Variants in ALDH3B2 observed in about 807,000 individuals in gnomAD.
ALDH3B2 encodes aldehyde dehydrogenase 3 family member B2.
In ALDH3B2, 45 loss-of-function variants were observed where a neutral mutation model predicts 36.7. That is an observed-to-expected ratio of 1.23 (90% CI 0.97 to 1.57). The LOEUF (loss-of-function observed/expected upper bound fraction) is 1.57. Among genes scored for constraint, ALDH3B2 ranks in the 40% most tolerant of loss-of-function variants. The pLI, the probability that ALDH3B2 is intolerant of heterozygous loss-of-function variation, is 0.00. For missense variants in ALDH3B2, 464 were observed against 513.3 expected, an observed-to-expected ratio of 0.90 and a Z score of 0.93; for synonymous variants, 217 against 226.5, an observed-to-expected ratio of 0.96 and a Z score of 0.38.
exon 10 of ALDH3B2, chr11:67,663,332 G>A (rs753188593): frequency 3.1e-6 from 5 of 1,614,038 alleles, no homozygotes; most frequent in African/African-American, 2.7e-5. Flanking sequence ...GGGCGAGCAG[G>A]CAGGTGCGGT....
exon 10 of ALDH3B2, chr11:67,662,977 T>G: frequency 3.6e-5 from 19 of 522,306 alleles, no homozygotes; most frequent in South Asian, 1.6e-4. Flanking sequence ...GAGGGTGGGG[T>G]GAGTGAGGAC....
At chr11:67,668,989 G>A (rs1015443859) in intron 1 of ALDH3B2, among the ~76,000 whole-genome samples, 10 of 151,148 alleles carry the variant, frequency 6.6e-5, no homozygotes, top group Admixed American at 6.6e-4. Context: ...GTGTGTATGG[G>A]TGTCTGTGTG....
intron 1 of ALDH3B2, among the ~76,000 whole-genome samples, chr11:67,671,842 C>G (rs958822297): frequency 3.3e-5 from 5 of 150,492 alleles, no homozygotes; most frequent in Admixed American, 3.3e-4. Context: ...CGTGCGGGCC[C>G]CTGCCTCTCA....
intron 1 of ALDH3B2, chr11:67,681,061 T>G (rs1856358767): frequency 6.6e-6 from 1 of 152,352 alleles, no homozygotes; most frequent in South Asian, 2.1e-4. Context: ...TGGCACTGTA[T>G]TAGTCTGTTC....
intron 1 of ALDH3B2, among the ~76,000 whole-genome samples, chr11:67,669,324 GTGTA>G (rs201522017): frequency 0.021 from 3,103 of 150,894 alleles, 113 homozygotes; most frequent in African/African-American, 0.073. Context: ...ATGGGTGTCT[GTGTA>G]TGTATCAGTG....
exon 4 of ALDH3B2, chr11:67,666,580 C>A: frequency 1.2e-6 from 2 of 1,613,924 alleles, no homozygotes; most frequent in African/African-American, 1.3e-5. Flanking sequence ...TCACCTGCGG[C>A]GAGGGCGCCC....
At chr11:67,669,712 GTGTGCGTATGGGTGTC>G in intron 1 of ALDH3B2, among the ~76,000 whole-genome samples, 1 of 148,978 alleles carries the variant, frequency 6.7e-6, no homozygotes, top group East Asian at 2.0e-4. Context: ...ATGGGTGTCT[GTGTGCGTATGGGTGTC>G]TGTGTGTGTA....
chr11:67,670,799 G>C (rs1856087923), intron 1 of ALDH3B2, among the ~76,000 whole-genome samples: 1 of 152,190 alleles, frequency 6.6e-6, no homozygotes, highest in African/African-American at 2.4e-5. Context: ...CCCACACTCA[G>C]TGTGCGGCCC....
chr11:67,665,447 C>T lies in ALDH3B2; in HGVS notation c.544G>A (p.Ala182Thr), dbSNP rs376717625. The T allele has an allele frequency of 3.2e-5, 52 of 1,613,978 alleles. No individual in the cohort carries two copies. The African/African-American group carries it at 5.3e-4, about 17-fold the overall frequency. Residue 182 changes from alanine (A) to threonine (T), a missense_variant, in exon 7 of 10, where the codon GCC becomes ACC. By Grantham distance (58) the Ala-to-Thr change is moderately conservative. Coordinates refer to ENST00000349015, the Ensembl canonical transcript of ALDH3B2. ...AAACGGGTGATGGTGCTCTGCAGGG[C>T]GGGCAGCAGCCTCTCCTGCATCTCG...
rs553570111 is a variant in ALDH3B2 at position 67,665,511 on chromosome 11, G to A, written c.480C>T (p.Gly160=). Residue 160 remains glycine, a synonymous_variant, in exon 7 of 10, where the codon GGC becomes GGT. Transcript: ENST00000349015. ...CGTAGTCAGGGGCCACGCAGGTCTG[G>A]CCGGCATTGAAGTAGCAGAACCAGG... The A allele has an allele frequency of 3.3e-5, 53 of 1,614,084 alleles. 1 individual carries two copies. The South Asian group carries it at 5.5e-4, about 17-fold the overall frequency.
intron 1 of ALDH3B2, among the ~76,000 whole-genome samples, chr11:67,668,989 G>T (rs1015443859): frequency 6.6e-6 from 1 of 151,152 alleles, no homozygotes; most frequent in Non-Finnish European, 1.5e-5. Flanking sequence ...GTGTGTATGG[G>T]TGTCTGTGTG....
At position 67,667,645 on chromosome 11, in the gene ALDH3B2, G is replaced by A; in HGVS notation, c.-244-10C>T. The A allele has an allele frequency of 3.0e-6, 1 of 327,942 alleles. No individual in the cohort carries two copies. The highest frequency in any genetic ancestry group is 5.1e-6 in the Non-Finnish European group (1 of 194,534). 20.3% of individuals were successfully genotyped at this position (327,942 alleles called of 1,614,324 possible). A position where few individuals can be genotyped will look rare whatever the true frequency, so the allele number is the denominator to read the frequency against. The stretch of plus-strand genomic sequence containing the variant: ...CTCGAAGGGGTCCATCCTGCCGGAT[G>A]GGGTGGCTTGAACTGGGTGGCCAGG... On this transcript the variant is annotated splice_polypyrimidine_tract_variant and intron_variant, in intron 1 of 9. Coordinates refer to ENST00000349015, the Ensembl canonical transcript of ALDH3B2.
intron 1 of ALDH3B2, among the ~76,000 whole-genome samples, chr11:67,680,640 C>T (rs919779355): frequency 2.0e-5 from 3 of 152,148 alleles, no homozygotes; most frequent in African/African-American, 7.2e-5. Flanking sequence ...TGGTCTCAAA[C>T]TCCTGGGCTC....
At chr11:67,680,245 T>A (rs1488376573) in intron 1 of ALDH3B2, among the ~76,000 whole-genome samples, 1 of 151,816 alleles carries the variant, frequency 6.6e-6, no homozygotes, top group Non-Finnish European at 1.5e-5. Flanking sequence ...ACCAGGGAGG[T>A]GGAGCTTGCA....
rs368395367 is a variant in ALDH3B2, at chr11:67,673,177, G to A, written c.-245+1260C>T. On this transcript the variant is annotated intron_variant, in intron 1 of 9. Coordinates refer to ENST00000349015, the Ensembl canonical transcript of ALDH3B2. ...GATCTCCTGACATCGTGATCCGCCCGCCTCGGCCTCCCAAAGTGCTGGGAT... is the reference window on the plus strand; with the variant it reads ...GATCTCCTGACATCGTGATCCGCCCACCTCGGCCTCCCAAAGTGCTGGGAT... Among the ~76,000 whole-genome samples, 42 of 151,982 alleles carry A rather than the reference G, an allele frequency of 2.8e-4. No individual in the cohort carries two copies. In the East Asian group the frequency reaches 3.7e-3, roughly 13 times the overall value.
At chr11:67,666,429 G>C in intron 4 of ALDH3B2, 28 bp from the exon 5 acceptor site, 1 of 1,607,060 alleles carries the variant, frequency 6.2e-7, no homozygotes, top group Non-Finnish European at 8.5e-7. Flanking sequence ...GACGTCGTTG[G>C]GGGAGCCCAG....
intron 1 of ALDH3B2, chr11:67,671,005 G>A (rs5019163): frequency 0.85 from 129,713 of 152,652 alleles, 56,023 homozygotes; most frequent in South Asian, 0.96. Flanking sequence ...GCATGCGAGC[G>A]TCAGCAGCCT....
chr11:67,662,393 C>T (rs1855768974), exon 10 of ALDH3B2: 1 of 152,248 alleles, frequency 6.6e-6, no homozygotes, highest in Non-Finnish European at 1.5e-5. Context: ...TGCAGCTCAT[C>T]TGGAATACTA....
chr11:67,665,374 T>C, exon 7 of ALDH3B2: 1 of 1,613,910 alleles, frequency 6.2e-7, no homozygotes, highest in Non-Finnish European at 8.5e-7. Context: ...CTGTTTCTGG[T>C]TGATGATGTG....
Sources: gnomAD v4.1 joint callset for allele counts (sites outside exome capture counted in the v4.1 genomes callset) on GRCh38, gnomAD v4.1.1 for gene constraint, MANE v1.5 for transcripts, NCBI Gene and HGNC (gene_info 2026-07-23, HGNC 2026-07-21) for gene names.